The following PAK4 variants were observed in gnomAD, a reference collection of about 807,000 sequenced individuals.
The protein encoded by PAK4 is p21 (RAC1) activated kinase 4, also known as serine/threonine-protein kinase PAK 4.
PAK4 carries 49 observed loss-of-function variants against 53.5 expected under a neutral mutation model. The observed-to-expected ratio is 0.92, with a 90% confidence interval of 0.73 to 1.16. PAK4 has a LOEUF of 1.16. Ranked by LOEUF, PAK4 falls within the 50% of genes most tolerant of loss-of-function variation. The probability of loss-of-function intolerance (pLI) is 0.00; values close to 1 mark genes in which losing one functional copy is unlikely to be tolerated. For synonymous variants in PAK4, 376 were observed against 375.6 expected (o/e 1.00, Z -0.01); for missense variants, 824 against 850.7 (o/e 0.97, Z 0.39).
Position 39,158,242 on chromosome 19 carries a change from CGCATGTGTGAGCAT to C in PAK4, c.-22-11281_-22-11268del, listed in dbSNP as rs1167201083. ...GTGCGTGTGTGTGCATGTGTGTGCG[CGCATGTGTGAGCAT>C]GCATGTGTTGCGGGATGGCTTCGCT... On this transcript the variant is annotated intron_variant, in intron 1 of 8. Transcript: ENST00000358301. Among the ~76,000 whole-genome samples the C allele has an allele frequency of 2.2e-4, 33 of 149,936 alleles. No individual in the cohort carries two copies. In the East Asian group the frequency reaches 6.2e-3, roughly 28 times the overall value.
chr19:39,175,163 C>T lies in PAK4; in HGVS notation c.1232+99C>T. 1 of 1,511,520 alleles carries T rather than the reference C, an allele frequency of 6.6e-7. No homozygotes were observed. The highest frequency in any genetic ancestry group is 1.3e-5 in the South Asian group (1 of 79,826). The allele number at this position is 1,511,520 out of a possible 1,614,324, so 93.6% of individuals were successfully genotyped here. On this transcript the variant is annotated intron_variant, in intron 5 of 8. Transcript: ENST00000358301. This position sits in a 1 kb window ranked among gnomAD's most constrained non-coding sequence, Gnocchi z 4.7. ...CTCCAAACCAGCTGTGCTCCGGGCC[C>T]CTGGGATGGGGTCGTGTCTTCCATT...
At chr19:39,169,495 C>G (rs776554276) in intron 1 of PAK4, 37 bp from the exon 3 acceptor site, 15 of 1,417,128 alleles carry the variant, frequency 1.1e-5, no homozygotes, top group Non-Finnish European at 1.3e-5. Context: ...GAGACATGGG[C>G]AGGCTCTCAC....
Position 39,178,597 on chromosome 19 carries a change from C to T in PAK4, c.*18C>T, listed in dbSNP as rs1292396979. 3 of 1,557,132 alleles carry T rather than the reference C, an allele frequency of 1.9e-6. No homozygotes were observed. Among genetic ancestry groups the T allele is most frequent in the African/African-American group, 2.7e-5 (2 of 73,510 alleles). On this transcript the variant is annotated 3_prime_UTR_variant, in exon 9 of 9. Transcript: ENST00000358301. This position sits in a 1 kb window ranked among gnomAD's most constrained non-coding sequence, Gnocchi z 4.4. ...CCAGATGAGGCCCAGCGCCCTTCCC[C>T]TCAACCAAAGAGCCCCCCGGGTCAC...
chr19:39,147,233 T>A (rs1333791896), intron 1 of PAK4, among the ~76,000 whole-genome samples: 1 of 152,186 alleles, frequency 6.6e-6, no homozygotes, highest in East Asian at 1.9e-4. Context: ...ATTTTGTCAA[T>A]TCAAGAATGT....
At position 39,157,440 on chromosome 19, in the gene PAK4, G is replaced by A. The variant is rs375480612; in HGVS notation, c.-22-12092G>A. ...TGTGTATGAAAGGGTCGCAGTCCAC[G>A]GTCCATCCATGGCTCTTCTGGGGCC... On this transcript the variant is annotated intron_variant, in intron 1 of 8. Transcript: ENST00000358301. Among the ~76,000 whole-genome samples the A allele has an allele frequency of 5.3e-4, 80 of 152,182 alleles. 1 individual carries two copies. The South Asian group carries it at 0.015, about 28-fold the overall frequency.
In PAK4 at chr19:39,178,099, T is replaced by C. The variant is rs369531299; in HGVS notation, c.1620+290T>C. Among the ~76,000 whole-genome samples the C allele has an allele frequency of 2.2e-4, 34 of 152,228 alleles. No individual in the cohort carries two copies. The South Asian group carries it at 7.0e-3, about 32-fold the overall frequency. ...AGAAGTGGAGGACAGGGCCGGGACC[T>C]TCCTAGTGGAGGACTTGCCAGGAGG... On this transcript the variant is annotated intron_variant, in intron 8 of 8. Coordinates refer to ENST00000358301, the Ensembl canonical transcript of PAK4. This position sits in a 1 kb window ranked among gnomAD's most constrained non-coding sequence, Gnocchi z 4.4.
chr19:39,126,195 A>G (rs1006536643), intron 1 of PAK4, among the ~76,000 whole-genome samples: 5 of 152,036 alleles, frequency 3.3e-5, no homozygotes, highest in African/African-American at 1.2e-4. Flanking sequence ...CAAAAAAGGC[A>G]GGGTCAAAGT....
chr19:39,132,186 G>A (rs977496609), intron 1 of PAK4, among the ~76,000 whole-genome samples: 1 of 152,154 alleles, frequency 6.6e-6, no homozygotes, highest in Non-Finnish European at 1.5e-5. Context: ...TTTTAACCTC[G>A]TTTCTCTTTT....
At chr19:39,166,307 G>A (rs1490055339) in intron 1 of PAK4, among the ~76,000 whole-genome samples, 4 of 152,230 alleles carry the variant, frequency 2.6e-5, no homozygotes, top group African/African-American at 7.2e-5. Flanking sequence ...AGCTGGGCGT[G>A]GTGGCAGGCG....
Position 39,161,270 on chromosome 19 carries a change from C to T in PAK4, c.-22-8262C>T, listed in dbSNP as rs901583222. Among the ~76,000 whole-genome samples the T allele has an allele frequency of 2.0e-5, 3 of 152,232 alleles. No individual in the cohort carries two copies. The highest frequency in any genetic ancestry group is 7.2e-5 in the African/African-American group (3 of 41,458). Reference sequence around the variant, plus strand: ...TCACTGACTTAGCGAGGAAGATGGCCACAGACAGGCAAACAACTGTAATGT... The same window carrying T: ...TCACTGACTTAGCGAGGAAGATGGCTACAGACAGGCAAACAACTGTAATGT... On this transcript the variant is annotated intron_variant, in intron 1 of 8. Coordinates refer to ENST00000358301, the Ensembl canonical transcript of PAK4. This position sits in a 1 kb window ranked among gnomAD's most constrained non-coding sequence, Gnocchi z 4.5.
intron 8 of PAK4, 68 bp downstream of exon 9, chr19:39,177,877 G>A: frequency 6.6e-7 from 1 of 1,525,662 alleles, no homozygotes; most frequent in East Asian, 2.3e-5. Context: ...GTGGAGCATG[G>A]GGTGTGGATG....
chr19:39,172,831 G>A (rs192281574), intron 2 of PAK4, 87 bp from the exon 4 acceptor site: 45 of 1,105,494 alleles, frequency 4.1e-5, no homozygotes, highest in East Asian at 3.4e-4. Context: ...TGTGTGTGTC[G>A]TGCTGTCCTG....
chr19:39,150,372 G>C (rs748108144), intron 1 of PAK4, among the ~76,000 whole-genome samples: 35 of 152,194 alleles, frequency 2.3e-4, no homozygotes, highest in Non-Finnish European at 4.7e-4. Context: ...CCTAGGTTCA[G>C]AGTCGTCCTT....
chr19:39,144,699 G>A (rs1004504961), intron 1 of PAK4, among the ~76,000 whole-genome samples: 7 of 152,224 alleles, frequency 4.6e-5, no homozygotes, highest in African/African-American at 1.7e-4. Flanking sequence ...CAGGAAACAG[G>A]CCAGGAGTTA....
Position 39,178,463 on chromosome 19 carries a change from G to T in PAK4, c.1660G>T (p.Val554Leu). The T allele has an allele frequency of 6.2e-7, 1 of 1,603,250 alleles. No individual in the cohort carries two copies. The highest frequency in any genetic ancestry group is 1.1e-5 in the South Asian group (1 of 89,094). The change falls in exon 9 of 9, where the codon GTG becomes TTG. Residue 554 changes from valine to leucine, a missense_variant. This residue lies in a region of PAK4 where 346 missense variants were observed against 415.0 expected (regional missense o/e 0.83). Coordinates refer to ENST00000358301, the Ensembl canonical transcript of PAK4. This position sits in a 1 kb window ranked among gnomAD's most constrained non-coding sequence, Gnocchi z 4.4. ...GAAGGGCTTCCTGGACCGCCTGCTG[G>T]TGCGAGACCCTGCCCAGCGGGCCAC...
intron 1 of PAK4, among the ~76,000 whole-genome samples, chr19:39,148,549 G>C (rs2074043816): frequency 8.0e-6 from 1 of 125,174 alleles, no homozygotes; most frequent in Non-Finnish European, 1.6e-5. Flanking sequence ...CTGCCTCCTG[G>C]GTTCAAGTGA....
At chr19:39,150,003 A>ATGG (rs1423763113) in intron 1 of PAK4, among the ~76,000 whole-genome samples, 1 of 152,196 alleles carries the variant, frequency 6.6e-6, no homozygotes, top group Non-Finnish European at 1.5e-5. Flanking sequence ...TTGAATATAG[A>ATGG]TGGTGGTGAT....
chr19:39,169,432 T>C, intron 1 of PAK4, 100 bp from the exon 3 acceptor site: 1 of 850,562 alleles, frequency 1.2e-6, no homozygotes, highest in East Asian at 2.6e-5. Flanking sequence ...TGCCTCCTGT[T>C]GGTCCCGGTG....
intron 1 of PAK4, chr19:39,135,263 C>G (rs2073789004): frequency 1.3e-5 from 2 of 151,520 alleles, no homozygotes; most frequent in Admixed American, 1.3e-4. Flanking sequence ...ATTTTGTCCT[C>G]CCCTTGCTCC....
Sources: gnomAD v4.1 joint callset for allele counts (sites outside exome capture counted in the v4.1 genomes callset) on GRCh38, gnomAD v4.1.1 for gene constraint, gnomAD v4.1.1 regional missense constraint, Gnocchi (gnomAD v3.1) non-coding constraint, MANE v1.5 for transcripts, NCBI Gene and HGNC (gene_info 2026-07-23, HGNC 2026-07-21) for gene names.